The following TUT4 variants were observed in gnomAD, a reference collection of about 807,000 sequenced individuals.
TUT4 encodes terminal uridylyl transferase 4.
TUT4 carries 36 observed loss-of-function variants against 192.2 expected under a neutral mutation model. The observed-to-expected ratio is 0.19, with a 90% CI of 0.14 to 0.25. TUT4 has a LOEUF of 0.25. Among genes scored for constraint, TUT4 ranks in the 10% least tolerant of loss-of-function variants. The pLI, the probability that TUT4 is intolerant of heterozygous loss-of-function variation, is 1.00. For missense variants in TUT4, 1,493 were observed against 1,957.2 expected, an observed-to-expected ratio of 0.76 and a Z score of 4.47; for synonymous variants, 618 against 666.0, an observed-to-expected ratio of 0.93 and a Z score of 1.11.
At chr1:52,501,612 T>C (rs936725795) in intron 4 of TUT4, among the ~76,000 whole-genome samples, 1 of 152,050 alleles carries the variant, frequency 6.6e-6, no homozygotes, top group South Asian at 2.1e-4. Flanking sequence ...TCTGGGTATA[T>C]ACAAAAAACA....
chr1:52,513,840 C>T (rs752429225), intron 3 of TUT4, among the ~76,000 whole-genome samples: 1 of 152,138 alleles, frequency 6.6e-6, no homozygotes, highest in Admixed American at 6.6e-5. Flanking sequence ...GGTACTAGAT[C>T]ATGGCACATA....
chr1:52,483,642 T>C (rs1669059484), intron 9 of TUT4, among the ~76,000 whole-genome samples: 1 of 151,964 alleles, frequency 6.6e-6, no homozygotes, highest in Non-Finnish European at 1.5e-5. Context: ...AAACCCTGTC[T>C]CTACTAAAAA....
chr1:52,508,789 T>C (rs1179438126), intron 4 of TUT4, among the ~76,000 whole-genome samples: 1 of 152,174 alleles, frequency 6.6e-6, no homozygotes, highest in Non-Finnish European at 1.5e-5. Flanking sequence ...GTTGTAACTT[T>C]AAAAAGAAAA....
intron 27 of TUT4, chr1:52,433,684 G>A (rs928067987): frequency 2.6e-5 from 4 of 152,186 alleles, no homozygotes; most frequent in African/African-American, 7.2e-5. Context: ...AAGTTTTGCT[G>A]ACAGAGAGCC....
At chr1:52,487,304 A>T (rs868420887) in intron 9 of TUT4, among the ~76,000 whole-genome samples, 6 of 152,028 alleles carry the variant, frequency 3.9e-5, no homozygotes, top group South Asian at 2.1e-4. Context: ...ATAAAAAATT[A>T]GCCAGGCACG....
At chr1:52,470,594 CA>C (rs1665477516) in intron 14 of TUT4, among the ~76,000 whole-genome samples, 1 of 151,826 alleles carries the variant, frequency 6.6e-6, no homozygotes, top group African/African-American at 2.4e-5. Context: ...CACCGATACA[CA>C]ACAACATAAA....
intron 1 of TUT4, among the ~76,000 whole-genome samples, chr1:52,543,814 A>C (rs1256342666): frequency 2.0e-5 from 3 of 151,984 alleles, no homozygotes; most frequent in Non-Finnish European, 4.4e-5. Flanking sequence ...ACACTACCCA[A>C]AGCAATCTAA....
chr1:52,487,455 A>G (rs77073761), intron 9 of TUT4, among the ~76,000 whole-genome samples: 2,100 of 152,072 alleles, frequency 0.014, 46 homozygotes, highest in African/African-American at 0.048. Flanking sequence ...AAAACAAAAA[A>G]AAACTTAGTA....
chr1:52,463,358 A>G (rs1261404447), intron 16 of TUT4: 1 of 996,806 alleles, frequency 1.0e-6, no homozygotes, highest in Non-Finnish European at 1.2e-6. Context: ...GAGAACAAAT[A>G]AAATACTTGC....
At chr1:52,472,746 A>G (rs992114375) in intron 13 of TUT4, among the ~76,000 whole-genome samples, 23 of 152,124 alleles carry the variant, frequency 1.5e-4, no homozygotes, top group African/African-American at 5.5e-4. Context: ...AATGTATTTC[A>G]ATGGACACCA....
chr1:52,478,819 T>C (rs1254263680), intron 11 of TUT4, among the ~76,000 whole-genome samples: 2 of 152,202 alleles, frequency 1.3e-5, no homozygotes, highest in Non-Finnish European at 1.5e-5. Flanking sequence ...CATTCCATTT[T>C]ACAACTATTC....
rs1253712501 is a variant in TUT4 at position 52,481,940 on chromosome 1, A to G, written c.1516-17T>C. 4.7e-6 allele frequency: 7 copies of G among 1,482,782 alleles called. No individual in the cohort carries two copies. The highest frequency in any genetic ancestry group is 4.6e-5 in the South Asian group (3 of 65,760). 91.9% of individuals were successfully genotyped at this position (1,482,782 alleles called of 1,614,324 possible). ...ATAGCACAACTGCAAAATGAAGGGG[A>G]AAAAAGTACTACCATTTAGCTTTCT... On this transcript the variant is annotated splice_polypyrimidine_tract_variant and intron_variant, in intron 9 of 29. Transcript: ENST00000257177.
intron 20 of TUT4, among the ~76,000 whole-genome samples, chr1:52,452,685 A>G (rs1050749413): frequency 6.6e-6 from 1 of 152,344 alleles, no homozygotes; most frequent in Admixed American, 6.5e-5. Flanking sequence ...AAAACTCCTC[A>G]TCCCTTCTCC....
intron 24 of TUT4, among the ~76,000 whole-genome samples, chr1:52,439,250 A>G (rs1654791997): frequency 6.6e-6 from 1 of 152,132 alleles, no homozygotes; most frequent in Non-Finnish European, 1.5e-5. Flanking sequence ...AAATAAATAA[A>G]TTAACAACAA....
intron 3 of TUT4, among the ~76,000 whole-genome samples, chr1:52,514,005 C>T (rs1255531435): frequency 6.6e-6 from 1 of 152,020 alleles, no homozygotes; most frequent in Non-Finnish European, 1.5e-5. Context: ...AATTATTTTA[C>T]CAGGTAGGTC....
intron 20 of TUT4, 28 bp downstream of exon 20, chr1:52,458,308 C>A (rs1661544081): frequency 2.6e-6 from 4 of 1,558,242 alleles, no homozygotes; most frequent in Middle Eastern, 1.7e-4. Flanking sequence ...TCAAAAAAAA[C>A]TCCTTTATAG....
At chr1:52,538,053 T>C (rs1008289306) in intron 1 of TUT4, among the ~76,000 whole-genome samples, 2 of 152,064 alleles carry the variant, frequency 1.3e-5, no homozygotes, top group Non-Finnish European at 2.9e-5. Context: ...CTGGGCAACA[T>C]GGTGAAACCC....
intron 6 of TUT4, among the ~76,000 whole-genome samples, chr1:52,494,633 A>G (rs1207307451): frequency 2.0e-5 from 3 of 152,200 alleles, no homozygotes; most frequent in Non-Finnish European, 4.4e-5. Flanking sequence ...TGGAGGGTGC[A>G]GTCAGCCGAG....
chr1:52,438,106 G>T, intron 25 of TUT4, 114 bp downstream of exon 25: 1 of 744,360 alleles, frequency 1.3e-6, no homozygotes, highest in Non-Finnish European at 2.2e-6. Context: ...TTTACCTTAG[G>T]TATAATTAAA....
Sources: gnomAD v4.1 joint callset for allele counts (sites outside exome capture counted in the v4.1 genomes callset) on GRCh38, gnomAD v4.1.1 for gene constraint, MANE v1.5 for transcripts, NCBI Gene and HGNC (gene_info 2026-07-23, HGNC 2026-07-21) for gene names.